Variants in ABCC9 observed in about 807,000 individuals in gnomAD.
The protein encoded by ABCC9 is ATP-binding cassette sub-family C member 9.
ABCC9 carries 95 observed loss-of-function variants against 188.3 expected under a neutral mutation model. The observed-to-expected ratio is 0.50, with a 90% confidence interval of 0.43 to 0.60. The LOEUF (loss-of-function observed/expected upper bound fraction) is 0.60. Ranked by LOEUF, ABCC9 falls within the 20% of genes least tolerant of loss-of-function variation. The pLI is 0.00. For missense variants in ABCC9, 1,102 were observed against 1,876.3 expected (o/e 0.59, Z 7.62); for synonymous variants, 659 against 652.7 (o/e 1.01, Z -0.15).
chr12:21,898,625 T>C (rs537709685), intron 12 of ABCC9, among the ~76,000 whole-genome samples: 59 of 152,296 alleles, frequency 3.9e-4, no homozygotes, highest in African/African-American at 1.4e-3. Flanking sequence ...AAACAATATA[T>C]AAACTTCCAA....
Position 21,936,597 on chromosome 12 carries a change from C to T in ABCC9, c.78G>A (p.Val26=). 3 of 1,612,766 alleles carry T rather than the reference C, an allele frequency of 1.9e-6. No individual in the cohort carries two copies. Among genetic ancestry groups the T allele is most frequent in the Non-Finnish European group, 2.5e-6 (3 of 1,179,082 alleles). The change falls in exon 3 of 40, where the codon GTG becomes GTA. Residue 26 remains valine (V), a synonymous_variant. Transcript: ENST00000261200. Reference sequence around the variant, plus strand: ...CATGAGGGACCAGGTTGAGGGCATCCACAAAGCAGGAATTTTGTAGTACAC... The same window carrying T: ...CATGAGGGACCAGGTTGAGGGCATCTACAAAGCAGGAATTTTGTAGTACAC... ...NDGVLQNSCF[V]DALNLVPHVF...
At chr12:21,806,226 G>A (rs1565680978) in intron 38 of ABCC9, among the ~76,000 whole-genome samples, 166 bp from the exon 39 acceptor site, 1 of 152,204 alleles carries the variant, frequency 6.6e-6, no homozygotes. Flanking sequence ...GTTCATGCTG[G>A]ATTCTGTACG....
chr12:21,897,408 T>C (rs1947480362), intron 12 of ABCC9, among the ~76,000 whole-genome samples: 1 of 152,216 alleles, frequency 6.6e-6, no homozygotes, highest in Non-Finnish European at 1.5e-5. Flanking sequence ...TTTCACCCTA[T>C]ATTCTAAGTG....
intron 30 of ABCC9, among the ~76,000 whole-genome samples, chr12:21,837,715 C>T (rs1281551788): frequency 1.3e-5 from 2 of 152,116 alleles, no homozygotes; most frequent in Non-Finnish European, 2.9e-5. Context: ...CTTCAATAGT[C>T]AGTGTGGTTA....
At chr12:21,846,608 T>G (rs1034873532) in intron 25 of ABCC9, among the ~76,000 whole-genome samples, 3 of 152,148 alleles carry the variant, frequency 2.0e-5, no homozygotes, top group African/African-American at 7.2e-5. Flanking sequence ...GATCCAAATA[T>G]GTTTATGATG....
At chr12:21,851,562 A>G (rs1351324134) in intron 24 of ABCC9, among the ~76,000 whole-genome samples, 1 of 152,208 alleles carries the variant, frequency 6.6e-6, no homozygotes, top group Non-Finnish European at 1.5e-5. Flanking sequence ...CTTCAAAAAA[A>G]GTACAAATGT....
At position 21,844,492 on chromosome 12, in the gene ABCC9, G is replaced by A; in HGVS notation, c.3306C>T (p.Ile1102=). The part of the protein sequence containing the change: ...ILNRFSADTN[I]IDQHIPPTLE... Reference sequence around the variant, plus strand: ...TAACCCAGTTACTCACCTGATCAATGATATTAGTATCAGCTGAAAAGCGAT... The same window carrying A: ...TAACCCAGTTACTCACCTGATCAATAATATTAGTATCAGCTGAAAAGCGAT... Residue 1102 remains isoleucine (I), a synonymous_variant, in exon 28 of 40, where the codon ATC becomes ATT. Coordinates refer to ENST00000261200, the MANE Select transcript of ABCC9 (RefSeq NM_020297.4). 1.2e-6 allele frequency: 2 copies of A among 1,613,268 alleles called. No homozygotes were observed. The highest frequency in any genetic ancestry group is 1.7e-6 in the Non-Finnish European group (2 of 1,179,270).
intron 3 of ABCC9, among the ~76,000 whole-genome samples, chr12:21,934,142 GT>G (rs1156397074): frequency 6.6e-6 from 1 of 152,002 alleles, no homozygotes; most frequent in Non-Finnish European, 1.5e-5. Flanking sequence ...ATTAACATTT[GT>G]GGCATTACTC....
intron 12 of ABCC9, among the ~76,000 whole-genome samples, chr12:21,904,581 A>G (rs1324251009): frequency 1.3e-5 from 2 of 152,190 alleles, no homozygotes; most frequent in African/African-American, 4.8e-5. Context: ...CAAATTTACA[A>G]GAAAAAAACA....
intron 31 of ABCC9, among the ~76,000 whole-genome samples, chr12:21,824,916 ATTTTGTTGATCTT>A (rs60066319): frequency 0.13 from 20,490 of 151,810 alleles, 1,567 homozygotes; most frequent in Middle Eastern, 0.27. Context: ...CAGTCAGACT[ATTTTGTTGATCTT>A]TTTTGTTGAT....
At chr12:21,805,043 T>C in intron 39 of ABCC9, 2 of 1,359,238 alleles carry the variant, frequency 1.5e-6, no homozygotes, top group Non-Finnish European at 2.1e-6. Flanking sequence ...GATTTTGTAA[T>C]AACACCCTGC....
At chr12:21,910,421 A>T (rs1187102309) in intron 9 of ABCC9, 109 bp from the exon 10 acceptor site, 9 of 1,123,904 alleles carry the variant, frequency 8.0e-6, no homozygotes, top group Non-Finnish European at 1.1e-5. Context: ...GAGAAAAAAG[A>T]AAAGAAAAAT....
intron 2 of ABCC9, among the ~76,000 whole-genome samples, chr12:21,940,045 A>G (rs1338969308): frequency 6.6e-6 from 1 of 152,224 alleles, no homozygotes; most frequent in African/African-American, 2.4e-5. Flanking sequence ...TTCTAAAAAC[A>G]CATTTAAGTG....
In ABCC9 at chr12:21,859,685, C is replaced by A. The variant is rs919903525; in HGVS notation, c.2425-19G>T. 2 of 1,603,416 alleles carry A rather than the reference C, an allele frequency of 1.2e-6. No individual in the cohort carries two copies. The highest frequency in any genetic ancestry group is 2.7e-5 in the African/African-American group (2 of 74,630). On this transcript the variant is annotated intron_variant, in intron 21 of 39. Transcript: ENST00000261200. Reference sequence around the variant, plus strand: ...TGATGCCCTAGAGAAGAGACACCCCCAAATACCCATTTTTTAATATTAGTA... The same window carrying A: ...TGATGCCCTAGAGAAGAGACACCCCAAAATACCCATTTTTTAATATTAGTA...
intron 37 of ABCC9, among the ~76,000 whole-genome samples, chr12:21,808,432 C>T (rs551484320): frequency 1.3e-5 from 2 of 152,178 alleles, no homozygotes; most frequent in Admixed American, 6.6e-5. Context: ...ACACTATGCC[C>T]ACAATCTAAA....
intron 29 of ABCC9, among the ~76,000 whole-genome samples, chr12:21,839,750 A>G (rs973166189): frequency 6.6e-6 from 1 of 152,196 alleles, no homozygotes; most frequent in African/African-American, 2.4e-5. Context: ...ACATGGTTCC[A>G]TAATCTTCAA....
intron 7 of ABCC9, among the ~76,000 whole-genome samples, chr12:21,915,223 A>ATGTGTGTGTGTGTG (rs1177922394): frequency 1.7e-5 from 2 of 117,154 alleles, no homozygotes; most frequent in African/African-American, 3.5e-5. Context: ...CTTTATATAT[A>ATGTGTGTGTGTGTG]TATGTGTGTG....
rs935314592 is a variant in ABCC9 at position 21,845,628 on chromosome 12, A to G, written c.3071T>C (p.Ile1024Thr). The change falls in exon 26 of 40, where the codon ATA (isoleucine) becomes ACA (threonine). Residue 1024 changes from isoleucine to threonine, a missense_variant. Physicochemically the swap from Ile to Thr is moderately conservative, Grantham distance 89. Around this residue, in one of 12 missense-constraint regions of ABCC9, gnomAD observed 74 missense variants for 132.7 expected, o/e 0.56. Transcript: ENST00000261200. ...CTGATCAGCTTTTCCAGTATTGTTT[A>G]TACTGTACTCCGATGTCCATGTGGC... ...WLATWTSEYS[I>T]NNTGKADQTY... 2 of 1,613,586 alleles carry G rather than the reference A, an allele frequency of 1.2e-6. No homozygotes were observed. Among genetic ancestry groups the G allele is most frequent in the African/African-American group, 2.7e-5 (2 of 74,910 alleles).
chr12:21,814,240 A>T (rs1042074262), intron 35 of ABCC9, among the ~76,000 whole-genome samples: 1 of 152,180 alleles, frequency 6.6e-6, no homozygotes, highest in Non-Finnish European at 1.5e-5. Flanking sequence ...CAAAATTTAA[A>T]ATGCAGATTA....
Sources: allele counts gnomAD v4.1 joint callset (sites outside exome capture counted in the v4.1 genomes callset), GRCh38; gene constraint gnomAD v4.1.1; regional missense constraint gnomAD v4.1.1; transcripts MANE v1.5; gene names NCBI Gene and HGNC (gene_info 2026-07-23, HGNC 2026-07-21).